ARFGEF3: variants seen among roughly 807,000 people sequenced by gnomAD.
ARFGEF3 encodes the protein ARFGEF family member 3, also known as brefeldin A-inhibited guanine nucleotide-exchange protein 3.
A neutral mutation model predicts 221.7 loss-of-function variants in ARFGEF3; 96 were observed. The ratio of observed to expected loss-of-function variants is 0.43; its 90% CI spans 0.37 to 0.51. The LOEUF (loss-of-function observed/expected upper bound fraction) is 0.51. ARFGEF3 is among the 20% of genes least tolerant of loss of function. The pLI, the probability that ARFGEF3 is intolerant of heterozygous loss-of-function variation, is 0.00. For synonymous variants in ARFGEF3, 1,145 were observed against 1,126.8 expected, an observed-to-expected ratio of 1.02 and a Z score of -0.32; for missense variants, 2,410 against 2,789.9, an observed-to-expected ratio of 0.86 and a Z score of 3.07.
intron 26 of ARFGEF3, among the ~76,000 whole-genome samples, chr6:138,315,208 T>C (rs1338882185): frequency 1.3e-5 from 2 of 152,342 alleles, no homozygotes; most frequent in East Asian, 1.9e-4. Flanking sequence ...TTTGTGACTG[T>C]TGAAGCTGAA....
At chr6:138,265,841 T>C (rs1778882355) in intron 12 of ARFGEF3, among the ~76,000 whole-genome samples, 1 of 152,102 alleles carries the variant, frequency 6.6e-6, no homozygotes, top group Admixed American at 6.5e-5. Flanking sequence ...TTGCCCAGGC[T>C]GAAGTGCAGT....
At chr6:138,279,042 G>A (rs781054991) in intron 13 of ARFGEF3, among the ~76,000 whole-genome samples, 1 of 152,038 alleles carries the variant, frequency 6.6e-6, no homozygotes, top group African/African-American at 2.4e-5. Context: ...ACAGAGCCCC[G>A]CTTTGTTGTC....
intron 4 of ARFGEF3, among the ~76,000 whole-genome samples, chr6:138,225,095 AAC>A (rs1480326656): frequency 6.6e-6 from 1 of 152,202 alleles, no homozygotes; most frequent in African/African-American, 2.4e-5. Flanking sequence ...CCAAATGCGC[AAC>A]AGTCAATTCA....
At chr6:138,297,032 C>T in intron 21 of ARFGEF3, 77 bp downstream of exon 21, 3 of 1,489,948 alleles carry the variant, frequency 2.0e-6, no homozygotes, top group Non-Finnish European at 2.7e-6. Flanking sequence ...GGCCTGCAGT[C>T]ATGTATGGGG....
intron 22 of ARFGEF3, among the ~76,000 whole-genome samples, chr6:138,300,623 G>A (rs1204579886): frequency 1.3e-5 from 2 of 152,154 alleles, no homozygotes; most frequent in Admixed American, 1.3e-4. Context: ...TATTGGGTTG[G>A]TGTAAAAGTA....
chr6:138,330,181 G>A (rs376904093), intron 32 of ARFGEF3, among the ~76,000 whole-genome samples: 5 of 152,288 alleles, frequency 3.3e-5, no homozygotes, highest in African/African-American at 1.2e-4. Flanking sequence ...CAGGTCACAG[G>A]GGACATGATG....
Position 138,292,019 on chromosome 6 carries a change from A to G in ARFGEF3, c.3334A>G (p.Lys1112Glu), listed in dbSNP as rs1486578084. 4.6e-6 allele frequency: 7 copies of G among 1,513,800 alleles called. No individual in the cohort carries two copies. The highest frequency in any genetic ancestry group is 2.5e-5 in the South Asian group (2 of 80,192). The allele number at this position is 1,513,800 out of a possible 1,614,324, so 93.8% of individuals were successfully genotyped here. The change falls in exon 19 of 34, where the codon AAG (lysine) becomes GAG (glutamate). Residue 1112 changes from lysine to glutamate, a missense_variant. Around this residue, in one of 5 missense-constraint regions of ARFGEF3, gnomAD observed 184 missense variants for 141.8 expected, o/e 1.30. Transcript: ENST00000251691. ...GSLMSGSSAA[K>E]VVLTLSTQAD... is the part of the protein sequence containing the mutation. ...CCTCATGAGCGGGAGCAGCGCGGCCAAGGTGGTGCTCACCCTCTCCACGCA... is the reference window on the plus strand; with the variant it reads ...CCTCATGAGCGGGAGCAGCGCGGCCGAGGTGGTGCTCACCCTCTCCACGCA...
At chr6:138,265,656 G>T (rs1476118404) in intron 12 of ARFGEF3, among the ~76,000 whole-genome samples, 1 of 151,912 alleles carries the variant, frequency 6.6e-6, no homozygotes, top group Non-Finnish European at 1.5e-5. Context: ...CTCTCTCTCA[G>T]ACACACCCAC....
At chr6:138,209,651 T>A (rs899960386) in intron 3 of ARFGEF3, among the ~76,000 whole-genome samples, 1 of 152,158 alleles carries the variant, frequency 6.6e-6, no homozygotes, top group Non-Finnish European at 1.5e-5. Flanking sequence ...AGTTTCACCA[T>A]GTTGGCCAGG....
At chr6:138,246,910 A>G (rs185274353) in intron 8 of ARFGEF3, among the ~76,000 whole-genome samples, 57 of 152,304 alleles carry the variant, frequency 3.7e-4, no homozygotes, top group Admixed American at 2.9e-3. Flanking sequence ...GATGATGGAT[A>G]TGTTAATTTG....
Position 138,338,285 on chromosome 6 carries a change from T to C in ARFGEF3, c.*1799T>C, listed in dbSNP as rs1202590368. 1 of 152,258 alleles carries C rather than the reference T, an allele frequency of 6.6e-6. No homozygotes were observed. The highest frequency in any genetic ancestry group is 1.5e-5 in the Non-Finnish European group (1 of 68,050). 9.4% of individuals were successfully genotyped at this position (152,258 alleles called of 1,614,324 possible). A position where few individuals can be genotyped will look rare whatever the true frequency, so the allele number is the denominator to read the frequency against. On this transcript the variant is annotated 3_prime_UTR_variant, in exon 34 of 34. Transcript: ENST00000251691. ...ACATTTTATAAATGGAATTGAAAGT[T>C]GGATAACTGCTTTTTTTAAATTTTC...
At chr6:138,258,409 G>C (rs775817998) in intron 10 of ARFGEF3, among the ~76,000 whole-genome samples, 14 of 152,280 alleles carry the variant, frequency 9.2e-5, no homozygotes, top group Non-Finnish European at 1.8e-4. Context: ...TGAGGCTCTG[G>C]GGGGAGAAGT....
At chr6:138,303,190 A>G (rs893144543) in intron 22 of ARFGEF3, among the ~76,000 whole-genome samples, 1 of 152,218 alleles carries the variant, frequency 6.6e-6, no homozygotes, top group South Asian at 2.1e-4. Flanking sequence ...AATGTGATCA[A>G]TTGAAGATTC....
Position 138,298,598 on chromosome 6 carries a change from T to C in ARFGEF3, c.3649-8T>C. 6.2e-7 allele frequency: 1 copy of C among 1,609,898 alleles called. No homozygotes were observed. Among genetic ancestry groups the C allele is most frequent in the East Asian group, 2.2e-5 (1 of 44,798 alleles). ...TGATGGTGAGCCACTCTCTCGTGAA[T>C]TTTGCAGGCTGCTTGCCATAAGGAA... On this transcript the variant is annotated splice_polypyrimidine_tract_variant and splice_region_variant and intron_variant, in intron 21 of 33. Transcript: ENST00000251691.
intron 10 of ARFGEF3, 81 bp from the exon 11 acceptor site, chr6:138,261,446 T>A: frequency 1.3e-6 from 1 of 793,624 alleles, no homozygotes; most frequent in East Asian, 2.7e-5. Context: ...AAGTACATGT[T>A]TTTTTGATCT....
intron 8 of ARFGEF3, among the ~76,000 whole-genome samples, chr6:138,246,351 A>T (rs1778487447): frequency 6.6e-6 from 1 of 152,234 alleles, no homozygotes. Context: ...TTCATTGGTA[A>T]CTAGGACATC....
At chr6:138,194,538 T>C (rs1019816945) in intron 2 of ARFGEF3, among the ~76,000 whole-genome samples, 5 of 152,222 alleles carry the variant, frequency 3.3e-5, no homozygotes, top group Admixed American at 2.6e-4. Flanking sequence ...TCCATAGGCA[T>C]GTTTCATACT....
Position 138,262,763 on chromosome 6 carries a change from TG to T in ARFGEF3, c.1281del (p.Ser428ProfsTer19). On this transcript the variant is annotated frameshift_variant, in exon 12 of 34. Transcript: ENST00000251691. LOFTEE classifies it high-confidence loss of function. ...KGGIEACYAA[V>X]SCVCTLLGAL... is the part of the protein sequence containing the mutation. Reference sequence around the variant, plus strand: ...GGCATCGAAGCTTGCTATGCAGCCGTGTCCTGTGTCTGCACCTTGCTGGGTG... The same window carrying T: ...GGCATCGAAGCTTGCTATGCAGCCGTTCCTGTGTCTGCACCTTGCTGGGTG... 1 of 1,613,902 alleles carries T rather than the reference TG, an allele frequency of 6.2e-7. No individual in the cohort carries two copies. The highest frequency in any genetic ancestry group is 8.5e-7 in the Non-Finnish European group (1 of 1,179,798).
intron 2 of ARFGEF3, among the ~76,000 whole-genome samples, chr6:138,178,432 T>C (rs1378434138): frequency 6.6e-6 from 1 of 152,160 alleles, no homozygotes; most frequent in Non-Finnish European, 1.5e-5. Context: ...CTTTCTCACT[T>C]CCTTATCCTA....
Sources: gnomAD v4.1 joint callset for allele counts (sites outside exome capture counted in the v4.1 genomes callset) on GRCh38, gnomAD v4.1.1 for gene constraint, gnomAD v4.1.1 regional missense constraint, MANE v1.5 for transcripts, NCBI Gene and HGNC (gene_info 2026-07-23, HGNC 2026-07-21) for gene names.